The following RPTOR variants were observed in gnomAD, a reference collection of about 807,000 sequenced individuals.
The protein encoded by RPTOR is regulatory-associated protein of mTOR.
In RPTOR, 21 loss-of-function variants were observed where a neutral mutation model predicts 169.9. The observed-to-expected ratio is 0.12, with a 90% CI of 0.09 to 0.18. RPTOR has a LOEUF of 0.18. Ranked by LOEUF, RPTOR falls within the 10% of genes least tolerant of loss-of-function variation. RPTOR has a pLI of 1.00. For missense variants in RPTOR, 1,133 were observed against 1,855.9 expected (o/e 0.61, Z 7.16); for synonymous variants, 732 against 753.2 (o/e 0.97, Z 0.46).
Position 80,730,814 on chromosome 17 carries a change from C to A in RPTOR, c.654+108C>A. The A allele has an allele frequency of 8.8e-7, 1 of 1,133,408 alleles. No homozygotes were observed. Among genetic ancestry groups the A allele is most frequent in the Non-Finnish European group, 1.3e-6 (1 of 785,870 alleles). 70.2% of individuals were successfully genotyped at this position (1,133,408 alleles called of 1,614,324 possible). A position where few individuals can be genotyped will look rare whatever the true frequency, so the allele number is the denominator to read the frequency against. On this transcript the variant is annotated intron_variant, in intron 5 of 33. Coordinates refer to ENST00000306801, the MANE Select transcript of RPTOR (RefSeq NM_020761.3). This position sits in a 1 kb window ranked among gnomAD's most constrained non-coding sequence, Gnocchi z 4.2. ...GGTGTTGGACATCCTCTGAATGGAG[C>A]AGGGCTCAGAATGCCAAGGGCAGGA... is the stretch of plus-strand genomic sequence containing the variant.
intron 7 of RPTOR, among the ~76,000 whole-genome samples, chr17:80,799,803 C>T (rs915153604): frequency 9.9e-5 from 15 of 152,112 alleles, no homozygotes; most frequent in South Asian, 2.1e-4. Flanking sequence ...TCGTTGGGAG[C>T]GTGTGAAGGA....
intron 23 of RPTOR, chr17:80,923,991 T>G: frequency 2.6e-6 from 1 of 391,960 alleles, no homozygotes; most frequent in Non-Finnish European, 4.6e-6. Flanking sequence ...GCAGCTTCCA[T>G]GTAACGAAAC....
intron 17 of RPTOR, among the ~76,000 whole-genome samples, chr17:80,890,089 G>A (rs1040988011): frequency 1.3e-5 from 2 of 151,820 alleles, no homozygotes; most frequent in Non-Finnish European, 1.5e-5. Context: ...AGGGATGTGC[G>A]GCCCCCGAGG....
chr17:80,931,236 A>G (rs1041045536), intron 24 of RPTOR, among the ~76,000 whole-genome samples: 6 of 152,172 alleles, frequency 3.9e-5, no homozygotes, highest in African/African-American at 1.2e-4. Flanking sequence ...TAAAATTCTG[A>G]CTTTTCCTGA....
intron 28 of RPTOR, among the ~76,000 whole-genome samples, chr17:80,954,451 A>G (rs1392879321): frequency 3.3e-5 from 5 of 151,716 alleles, no homozygotes; most frequent in African/African-American, 4.8e-5. Flanking sequence ...TTATTTGTAA[A>G]GACAAGGTCT....
At chr17:80,752,039 C>T (rs117908730) in intron 5 of RPTOR, among the ~76,000 whole-genome samples, 2,171 of 152,304 alleles carry the variant, frequency 0.014, 30 homozygotes, top group Admixed American at 0.05. Flanking sequence ...CCGGTATGAT[C>T]GGCATTTTTG....
intron 20 of RPTOR, among the ~76,000 whole-genome samples, chr17:80,896,490 C>G (rs143856920): frequency 2.0e-5 from 2 of 98,776 alleles, no homozygotes; most frequent in African/African-American, 8.6e-5. Flanking sequence ...ACGGCCGCAC[C>G]GACACACCCC....
chr17:80,866,739 T>C (rs999658840), intron 13 of RPTOR, among the ~76,000 whole-genome samples: 1 of 152,088 alleles, frequency 6.6e-6, no homozygotes, highest in Non-Finnish European at 1.5e-5. Flanking sequence ...TTAATCTGAA[T>C]AGCACTATGC....
intron 3 of RPTOR, among the ~76,000 whole-genome samples, chr17:80,692,975 G>A (rs994358498): frequency 6.6e-6 from 1 of 152,304 alleles, no homozygotes; most frequent in Non-Finnish European, 1.5e-5. Context: ...GTAACCTTGG[G>A]TACATTTATA....
In RPTOR at chr17:80,823,377, G is replaced by T; in HGVS notation, c.1136+154G>T. ...AGTGAAGCTAAATGCAGGGCTCCCA[G>T]AGATCTCCACACAGAGGAGTGGGGG... is the stretch of plus-strand genomic sequence containing the variant. On this transcript the variant is annotated intron_variant, in intron 9 of 33. Coordinates refer to ENST00000306801, the MANE Select transcript of RPTOR (RefSeq NM_020761.3). This position sits in a 1 kb window ranked among gnomAD's most constrained non-coding sequence, Gnocchi z 4.5. 1 of 937,404 alleles carries T rather than the reference G, an allele frequency of 1.1e-6. No individual in the cohort carries two copies. Among genetic ancestry groups the T allele is most frequent in the Non-Finnish European group, 1.5e-6 (1 of 646,542 alleles). 58.1% of individuals were successfully genotyped at this position (937,404 alleles called of 1,614,324 possible).
At position 80,860,864 on chromosome 17, in the gene RPTOR, G is replaced by A. The variant is rs960543611; in HGVS notation, c.1509+2964G>A. ...GCTCTGCTGGCACGGGTCGGCTACC[G>A]TGCTTGCCATCTCTCCCAGCTGCTC... On this transcript the variant is annotated intron_variant, in intron 13 of 33. Transcript: ENST00000306801. This position sits in a 1 kb window ranked among gnomAD's most constrained non-coding sequence, Gnocchi z 5.8. Among the ~76,000 whole-genome samples the A allele has an allele frequency of 8.5e-5, 13 of 152,070 alleles. No homozygotes were observed. The highest frequency in any genetic ancestry group is 2.2e-4 in the African/African-American group (9 of 41,486).
chr17:80,787,445 G>C (rs1033205096), intron 6 of RPTOR, among the ~76,000 whole-genome samples: 11 of 152,122 alleles, frequency 7.2e-5, no homozygotes, highest in Non-Finnish European at 1.3e-4. Context: ...TTGGTGTATT[G>C]TATTTTATTT....
chr17:80,743,183 C>A, intron 5 of RPTOR: 1 of 964,708 alleles, frequency 1.0e-6, no homozygotes, highest in Non-Finnish European at 1.2e-6. Flanking sequence ...CCTGTCTTCC[C>A]GTCTCTCTCC....
chr17:80,838,028 C>T (rs376285349), intron 10 of RPTOR, 31 bp downstream of exon 10: 44 of 1,575,494 alleles, frequency 2.8e-5, no homozygotes, highest in South Asian at 6.9e-5. Flanking sequence ...CCTGTGCATC[C>T]GCGGCGGCAG....
At chr17:80,743,746 G>GTCCTGGCTACGAGCAC (rs2066512154) in intron 5 of RPTOR, among the ~76,000 whole-genome samples, 1 of 74,544 alleles carries the variant, frequency 1.3e-5, no homozygotes, top group Non-Finnish European at 2.8e-5. Flanking sequence ...GCTACTAGCA[G>GTCCTGGCTACGAGCAC]AGCCCTGGCT....
intron 13 of RPTOR, among the ~76,000 whole-genome samples, chr17:80,858,726 G>C (rs973651700): frequency 1.3e-5 from 2 of 152,136 alleles, no homozygotes; most frequent in African/African-American, 2.4e-5. Flanking sequence ...ATGTCGGGCG[G>C]GGGTCCAAAC....
intron 11 of RPTOR, among the ~76,000 whole-genome samples, chr17:80,853,157 G>A (rs905373450): frequency 3.5e-4 from 54 of 152,246 alleles, no homozygotes; most frequent in African/African-American, 1.0e-3. Context: ...ACGTCGGCTG[G>A]TGGCTTCTGG....
chr17:80,574,458 G>A (rs1031650079), intron 1 of RPTOR, among the ~76,000 whole-genome samples: 10 of 151,402 alleles, frequency 6.6e-5, no homozygotes, highest in African/African-American at 2.4e-4. Context: ...GAGCCACCGC[G>A]CCCGGCCGGT....
chr17:80,655,675 A>G (rs140306049), intron 3 of RPTOR, among the ~76,000 whole-genome samples: 1 of 151,958 alleles, frequency 6.6e-6, no homozygotes, highest in African/African-American at 2.4e-5. Context: ...CCTGGGCTGA[A>G]GTGATCCTCC....
Sources: allele counts gnomAD v4.1 joint callset (sites outside exome capture counted in the v4.1 genomes callset), GRCh38; gene constraint gnomAD v4.1.1; non-coding constraint Gnocchi (gnomAD v3.1); transcripts MANE v1.5; gene names NCBI Gene and HGNC (gene_info 2026-07-23, HGNC 2026-07-21).